COBL: variants seen among roughly 807,000 people sequenced by gnomAD.
The protein encoded by COBL is cordon-bleu WH2 repeat protein.
In COBL, 51 loss-of-function variants were observed where a neutral mutation model predicts 98.8. The observed-to-expected ratio is 0.52, with a 90% CI of 0.41 to 0.65. The LOEUF (loss-of-function observed/expected upper bound fraction) is 0.65, where lower values mean the gene tolerates loss of function less well. Ranked by LOEUF, COBL falls within the 30% of genes least tolerant of loss-of-function variation. COBL has a pLI of 0.00. For missense variants in COBL, 1,617 were observed against 1,617.5 expected (o/e 1.00, Z 0.01); for synonymous variants, 634 against 651.7 (o/e 0.97, Z 0.41).
At chr7:51,306,061 T>C (rs1802446994) in intron 1 of COBL, among the ~76,000 whole-genome samples, 1 of 151,962 alleles carries the variant, frequency 6.6e-6, no homozygotes, top group Non-Finnish European at 1.5e-5. Flanking sequence ...GGGGCAAACA[T>C]TGTACTTGAT....
chr7:51,108,096 C>T (rs1796474961), intron 6 of COBL, among the ~76,000 whole-genome samples: 1 of 152,134 alleles, frequency 6.6e-6, no homozygotes, highest in South Asian at 2.1e-4. Context: ...AGGGCTCACC[C>T]AGAGGCCACG....
intron 1 of COBL, among the ~76,000 whole-genome samples, chr7:51,270,733 A>C (rs964479842): frequency 1.3e-5 from 2 of 152,210 alleles, no homozygotes; most frequent in African/African-American, 4.8e-5. Flanking sequence ...AGAATTCTGA[A>C]AGACCCAAAG....
chr7:51,170,808 A>T (rs1339080465), intron 5 of COBL, among the ~76,000 whole-genome samples: 1 of 152,050 alleles, frequency 6.6e-6, no homozygotes, highest in Non-Finnish European at 1.5e-5. Context: ...ACAATGTTAC[A>T]GTTAGACAAG....
intron 1 of COBL, among the ~76,000 whole-genome samples, chr7:51,298,942 C>T (rs1423895584): frequency 1.3e-5 from 2 of 152,206 alleles, no homozygotes; most frequent in Non-Finnish European, 2.9e-5. Flanking sequence ...CTCCTCTACC[C>T]CAAGATACTC....
chr7:51,065,529 G>C, intron 7 of COBL: 1 of 620,552 alleles, frequency 1.6e-6, no homozygotes. Flanking sequence ...ACAGTGTTGG[G>C]CTAGGGTGGG....
intron 1 of COBL, among the ~76,000 whole-genome samples, chr7:51,222,019 C>T (rs994014210): frequency 3.3e-5 from 5 of 151,978 alleles, no homozygotes; most frequent in African/African-American, 7.2e-5. Context: ...GAAATTCTGT[C>T]TCTACTAAAA....
rs567528193 is a variant in COBL at position 51,168,563 on chromosome 7, T to C, written c.783+15539A>G. 2.6e-5 allele frequency among the ~76,000 whole-genome samples: 4 copies of C among 152,276 alleles called. No homozygotes were observed. In the East Asian group the frequency reaches 5.8e-4, roughly 22 times the overall value. On this transcript the variant is annotated intron_variant, in intron 5 of 12. Transcript: ENST00000265136. ...AGAGAAATGCAAATCAAAATTACAA[T>C]GAGATATCCTTTCACCTCAGTTAAA... is the stretch of plus-strand genomic sequence containing the variant.
Position 51,043,438 on chromosome 7 carries a change from C to G in COBL, c.1351G>C (p.Gly451Arg). ...TCCCACAAGGGGCTCTTCTGGGGAC[C>G]CAGGTCTGGGGTTCCAGCGAGGTCC... The part of the protein sequence containing the change: ...DQDLAGTPDL[G>R]PQKSPLWEKN... The change falls in exon 8 of 13, where the codon GGT becomes CGT. Residue 451 changes from glycine (G) to arginine (R), a missense_variant. Gly to Arg is a moderately radical substitution (Grantham distance 125). Around this residue, in one of 3 missense-constraint regions of COBL, gnomAD observed 1,304 missense variants for 1,282.0 expected, o/e 1.02. Transcript: ENST00000265136. 1 of 1,614,232 alleles carries G rather than the reference C, an allele frequency of 6.2e-7. No individual in the cohort carries two copies. Among genetic ancestry groups the G allele is most frequent in the Non-Finnish European group, 8.5e-7 (1 of 1,180,046 alleles).
intron 5 of COBL, among the ~76,000 whole-genome samples, chr7:51,147,333 T>C (rs999893091): frequency 9.2e-5 from 14 of 152,222 alleles, no homozygotes; most frequent in Admixed American, 3.3e-4. Context: ...TGTAAAGAAA[T>C]AGCACTTGAA....
chr7:51,242,501 CT>C (rs1795883965), intron 1 of COBL, among the ~76,000 whole-genome samples: 2 of 152,182 alleles, frequency 1.3e-5, no homozygotes, highest in Non-Finnish European at 1.5e-5. Flanking sequence ...CCTGGCTGGA[CT>C]CAGCTCCATG....
At chr7:51,281,436 T>C (rs908349818) in intron 1 of COBL, among the ~76,000 whole-genome samples, 16 of 152,138 alleles carry the variant, frequency 1.1e-4, no homozygotes, top group African/African-American at 3.9e-4. Context: ...AGAAAACAGA[T>C]TCAAGTAGTT....
intron 1 of COBL, among the ~76,000 whole-genome samples, chr7:51,309,129 G>A (rs1408835082): frequency 6.6e-6 from 1 of 152,146 alleles, no homozygotes; most frequent in Non-Finnish European, 1.5e-5. Flanking sequence ...AGTCATAAAT[G>A]CAATCACAAC....
chr7:51,152,922 A>C (rs1785710423), intron 5 of COBL, among the ~76,000 whole-genome samples: 1 of 152,232 alleles, frequency 6.6e-6, no homozygotes, highest in South Asian at 2.1e-4. Flanking sequence ...CATGGCCCCC[A>C]GATCAAGAAT....
intron 9 of COBL, 70 bp from the exon 10 acceptor site, chr7:51,029,661 A>T: frequency 1.5e-6 from 2 of 1,314,622 alleles, no homozygotes; most frequent in Admixed American, 4.6e-5. Flanking sequence ...TGCAGCCATG[A>T]CTTTGATTTC....
At chr7:51,191,907 C>T (rs1012412854) in intron 3 of COBL, among the ~76,000 whole-genome samples, 24 of 152,214 alleles carry the variant, frequency 1.6e-4, no homozygotes, top group African/African-American at 4.8e-4. Flanking sequence ...ACGCTCTCTT[C>T]CAGCCTGCGT....
chr7:51,100,701 G>C (rs553493658), intron 6 of COBL, among the ~76,000 whole-genome samples: 50 of 152,156 alleles, frequency 3.3e-4, no homozygotes, highest in Non-Finnish European at 6.8e-4. Flanking sequence ...AGGAGTTTGA[G>C]ACCAGCCTGA....
intron 5 of COBL, among the ~76,000 whole-genome samples, chr7:51,173,078 C>A (rs372697746): frequency 6.6e-6 from 1 of 152,104 alleles, no homozygotes; most frequent in Non-Finnish European, 1.5e-5. Context: ...TGTGAGCCAC[C>A]TCACCCAGCA....
intron 12 of COBL, among the ~76,000 whole-genome samples, chr7:51,024,833 G>C (rs1369659877): frequency 6.6e-6 from 1 of 152,182 alleles, no homozygotes; most frequent in Admixed American, 6.5e-5. Flanking sequence ...TTGGGTTACA[G>C]TGGGGTTTAG....
At chr7:51,241,597 G>A (rs985214100) in intron 1 of COBL, among the ~76,000 whole-genome samples, 1 of 152,206 alleles carries the variant, frequency 6.6e-6, no homozygotes, top group Non-Finnish European at 1.5e-5. Context: ...AAAAATAAAA[G>A]TCACTGTCAT....
Sources: gnomAD v4.1 joint callset for allele counts (sites outside exome capture counted in the v4.1 genomes callset) on GRCh38, gnomAD v4.1.1 for gene constraint, gnomAD v4.1.1 regional missense constraint, MANE v1.5 for transcripts, NCBI Gene and HGNC (gene_info 2026-07-23, HGNC 2026-07-21) for gene names.